Variants in DDC observed in about 807,000 individuals in gnomAD.
DDC encodes the protein dopa decarboxylase.
Under a neutral mutation model 60.0 loss-of-function variants are expected in DDC, and 43 were observed. The observed-to-expected ratio is 0.72, with a 90% CI of 0.56 to 0.92. The LOEUF (loss-of-function observed/expected upper bound fraction) is 0.92. Ranked by LOEUF, DDC falls within the 40% of genes least tolerant of loss-of-function variation. DDC has a pLI of 0.00. For missense variants in DDC, 573 were observed against 620.2 expected, an observed-to-expected ratio of 0.92 and a Z score of 0.81; for synonymous variants, 232 against 234.6, an observed-to-expected ratio of 0.99 and a Z score of 0.10.
intron 12 of DDC, among the ~76,000 whole-genome samples, chr7:50,468,505 C>G (rs1237967123): frequency 6.6e-6 from 1 of 152,072 alleles, no homozygotes; most frequent in Non-Finnish European, 1.5e-5. Flanking sequence ...TATACATACT[C>G]CTTTCCCAGT....
At chr7:50,544,289 T>G (rs917479584) in intron 1 of DDC, among the ~76,000 whole-genome samples, 176 bp from the exon 2 acceptor site, 12 of 152,226 alleles carry the variant, frequency 7.9e-5, no homozygotes, top group African/African-American at 2.9e-4. Flanking sequence ...GAAATGGCAC[T>G]GGATTTGGGA....
intron 6 of DDC, among the ~76,000 whole-genome samples, chr7:50,517,328 C>T (rs979991770): frequency 2.0e-5 from 3 of 152,094 alleles, no homozygotes; most frequent in Non-Finnish European, 4.4e-5. Flanking sequence ...ATCACATGAT[C>T]ATCTCAATAG....
chr7:50,561,185 C>T (rs1342908304), intron 1 of DDC: 1 of 152,276 alleles, frequency 6.6e-6, no homozygotes, highest in Non-Finnish European at 1.5e-5. Flanking sequence ...TCCACCCTCC[C>T]ACCACCTCCT....
chr7:50,503,858 T>G, intron 7 of DDC, 135 bp downstream of exon 7: 1 of 752,184 alleles, frequency 1.3e-6, no homozygotes, highest in South Asian at 1.5e-5. Flanking sequence ...TTTGTGTTAT[T>G]GCAAATACGA....
At chr7:50,563,810 C>T (rs529734004) in intron 1 of DDC, among the ~76,000 whole-genome samples, 1 of 152,304 alleles carries the variant, frequency 6.6e-6, no homozygotes, top group East Asian at 1.9e-4. Flanking sequence ...CCATGTTGCC[C>T]AGGCTGGTCT....
intron 1 of DDC, among the ~76,000 whole-genome samples, chr7:50,548,326 T>A (rs939778583): frequency 1.3e-5 from 2 of 152,190 alleles, no homozygotes; most frequent in African/African-American, 4.8e-5. Context: ...GAGGAAGGCA[T>A]GTCAAAAGTT....
At chr7:50,547,535 G>C (rs1178010265) in intron 1 of DDC, among the ~76,000 whole-genome samples, 4 of 152,154 alleles carry the variant, frequency 2.6e-5, no homozygotes, top group African/African-American at 4.8e-5. Flanking sequence ...CTTTTCTATT[G>C]TGTGATTTCT....
intron 8 of DDC, among the ~76,000 whole-genome samples, chr7:50,497,501 C>G (rs1250236246): frequency 6.6e-6 from 1 of 152,176 alleles, no homozygotes; most frequent in East Asian, 1.9e-4. Flanking sequence ...CAGAGGACTG[C>G]TTAGCCCTTC....
At chr7:50,468,246 C>T (rs1240976484) in intron 12 of DDC, among the ~76,000 whole-genome samples, 1 of 152,236 alleles carries the variant, frequency 6.6e-6, no homozygotes, top group Non-Finnish European at 1.5e-5. Flanking sequence ...ATCCCGAAAG[C>T]CGGTTCCCGC....
chr7:50,525,533 G>A (rs2044013948), intron 6 of DDC, among the ~76,000 whole-genome samples: 1 of 152,174 alleles, frequency 6.6e-6, no homozygotes, highest in African/African-American at 2.4e-5. Flanking sequence ...GAAGGCCGAG[G>A]CAGGCAGATC....
Position 50,474,518 on chromosome 7 carries a change from C to T in DDC, c.1041+2106G>A, listed in dbSNP as rs962159852. Among the ~76,000 whole-genome samples, 274 of 152,274 alleles carry T rather than the reference C, an allele frequency of 1.8e-3. 6 individuals are homozygous for T. The highest frequency in any genetic ancestry group is 7.4e-4 in the Non-Finnish European group (50 of 68,024). ...GGCAAGCCCTGCCACCTTCGTGGTC[C>T]TGCAGGCGGGTGCCAGTACAGATCT... On this transcript the variant is annotated intron_variant, in intron 11 of 14. Coordinates refer to ENST00000444124, the MANE Select transcript of DDC (RefSeq NM_001082971.2).
chr7:50,521,769 G>A (rs1263990850), intron 6 of DDC, among the ~76,000 whole-genome samples: 1 of 152,132 alleles, frequency 6.6e-6, no homozygotes, highest in Non-Finnish European at 1.5e-5. Flanking sequence ...TCAACTTGAT[G>A]AATGACATCT....
At chr7:50,541,566 G>T (rs778670500) in intron 2 of DDC, among the ~76,000 whole-genome samples, 1 of 152,190 alleles carries the variant, frequency 6.6e-6, no homozygotes. Context: ...ATAAGAAAAG[G>T]CAGAGAGCTG....
At chr7:50,511,848 A>C (rs1271140799) in intron 6 of DDC, among the ~76,000 whole-genome samples, 1 of 152,226 alleles carries the variant, frequency 6.6e-6, no homozygotes, top group Non-Finnish European at 1.5e-5. Flanking sequence ...ACCAAAAATG[A>C]AACAAAGAAT....
At chr7:50,459,131 A>AT (rs937521423) in intron 14 of DDC, among the ~76,000 whole-genome samples, 188 of 152,196 alleles carry the variant, frequency 1.2e-3, no homozygotes, top group African/African-American at 4.3e-3. Context: ...TGGTTTTCGT[A>AT]TTTTTTTGGT....
intron 9 of DDC, chr7:50,492,969 TTTC>T (rs1246187537): frequency 6.3e-7 from 1 of 1,598,222 alleles, no homozygotes; most frequent in East Asian, 2.2e-5. Flanking sequence ...CTAAGCAGGT[TTTC>T]TTCAGCCTTA....
At chr7:50,554,342 C>T (rs183137984) in intron 1 of DDC, among the ~76,000 whole-genome samples, 106 of 152,258 alleles carry the variant, frequency 7.0e-4, no homozygotes, top group Admixed American at 2.0e-3. Context: ...TATGAGGACT[C>T]TCTACTTTCT....
intron 14 of DDC, among the ~76,000 whole-genome samples, chr7:50,460,123 C>T (rs1377182666): frequency 4.2e-5 from 6 of 141,428 alleles, no homozygotes; most frequent in African/African-American, 1.4e-4. Context: ...TCTGCCCGGC[C>T]GCCCCTACTG....
intron 11 of DDC, among the ~76,000 whole-genome samples, chr7:50,470,637 G>T (rs1318414041): frequency 1.3e-5 from 2 of 152,176 alleles, no homozygotes; most frequent in Non-Finnish European, 2.9e-5. Flanking sequence ...AGATGTTCTG[G>T]CACTGTTTTC....
Sources: allele counts gnomAD v4.1 joint callset (sites outside exome capture counted in the v4.1 genomes callset), GRCh38; gene constraint gnomAD v4.1.1; transcripts MANE v1.5; gene names NCBI Gene and HGNC (gene_info 2026-07-23, HGNC 2026-07-21).